The following FOXN3 variants were observed in gnomAD, a reference collection of about 807,000 sequenced individuals.
The protein encoded by FOXN3 is forkhead box N3.
A neutral mutation model predicts 38.4 loss-of-function variants in FOXN3; 7 were observed. The observed-to-expected ratio is 0.18, with a 90% CI of 0.10 to 0.34. The LOEUF is 0.34. Ranked by LOEUF, FOXN3 falls within the 10% of genes least tolerant of loss-of-function variation. The pLI is 1.00. For synonymous variants in FOXN3, 230 were observed against 242.2 expected, an observed-to-expected ratio of 0.95 and a Z score of 0.47; for missense variants, 456 against 613.4, an observed-to-expected ratio of 0.74 and a Z score of 2.71.
chr14:89,291,169 G>A (rs1042912438), intron 3 of FOXN3: 10 of 479,048 alleles, frequency 2.1e-5, no homozygotes, highest in Non-Finnish European at 4.2e-6. Flanking sequence ...AAGTTGGGGG[G>A]CACAGTTATG....
At chr14:89,480,440 C>T (rs1403975428) in intron 1 of FOXN3, among the ~76,000 whole-genome samples, 1 of 151,902 alleles carries the variant, frequency 6.6e-6, no homozygotes. Flanking sequence ...TCACAGGAAA[C>T]CATGCTGAAC....
intron 3 of FOXN3, among the ~76,000 whole-genome samples, chr14:89,317,397 G>A (rs1307911857): frequency 6.6e-6 from 1 of 152,208 alleles, no homozygotes; most frequent in Non-Finnish European, 1.5e-5. Flanking sequence ...AATGTCCTCT[G>A]AGAGTTCCTT....
intron 3 of FOXN3, chr14:89,290,597 C>T (rs1180372995): frequency 3.6e-6 from 2 of 550,198 alleles, no homozygotes; most frequent in African/African-American, 3.9e-5. Context: ...CAAGGTCATT[C>T]CTGTCTTCTT....
At chr14:89,459,814 G>A (rs996630950) in intron 1 of FOXN3, among the ~76,000 whole-genome samples, 1 of 152,120 alleles carries the variant, frequency 6.6e-6, no homozygotes, top group Non-Finnish European at 1.5e-5. Context: ...GGATAGTACA[G>A]AATCCCCCCA....
Position 89,299,890 on chromosome 14 carries a change from C to T in FOXN3, c.681-18876G>A, listed in dbSNP as rs117655817. 8.4e-3 allele frequency among the ~76,000 whole-genome samples: 1,273 copies of T among 152,284 alleles called. 12 individuals carry two copies. Among genetic ancestry groups the T allele is most frequent in the Non-Finnish European group, 0.015 (1,007 of 68,026 alleles). On this transcript the variant is annotated intron_variant, in intron 3 of 5. Coordinates refer to ENST00000557258, the MANE Select transcript of FOXN3 (RefSeq NM_005197.4). ...CAGTGGCAAAAGCTTATCTAAAATC[C>T]CCTCCATCAAGAGCAAACACATGGT...
intron 1 of FOXN3, among the ~76,000 whole-genome samples, chr14:89,615,116 ATTTT>A (rs374606775): frequency 3.7e-5 from 4 of 106,780 alleles, no homozygotes; most frequent in Admixed American, 1.1e-4. Flanking sequence ...CCCAATTTCG[ATTTT>A]TTTTTTTTTT....
rs1036236034 is a variant in FOXN3 at position 89,548,666 on chromosome 14, T to C, written c.-15+70362A>G. Among the ~76,000 whole-genome samples, 39 of 152,194 alleles carry C rather than the reference T, an allele frequency of 2.6e-4. No homozygotes were observed. The highest frequency in any genetic ancestry group is 9.4e-4 in the African/African-American group (39 of 41,446). ...GTTATTACCATAATAATGATGACTT[T>C]TCTTTTCAATTTATATATATGTATG... On this transcript the variant is annotated intron_variant, in intron 1 of 6. Transcript: ENST00000345097. The surrounding 1 kb of genome is among the most constrained non-coding windows in gnomAD (Gnocchi z 4.8).
chr14:89,239,239 G>T (rs1885071987), intron 4 of FOXN3, among the ~76,000 whole-genome samples: 1 of 152,142 alleles, frequency 6.6e-6, no homozygotes, highest in African/African-American at 2.4e-5. Flanking sequence ...GCAGTTTTGT[G>T]GGAATCAATT....
At chr14:89,431,663 A>C (rs1294965309) in intron 1 of FOXN3, among the ~76,000 whole-genome samples, 1 of 152,120 alleles carries the variant, frequency 6.6e-6, no homozygotes, top group African/African-American at 2.4e-5. Context: ...AGCAAACTTG[A>C]GTGGGAGGTA....
intron 3 of FOXN3, among the ~76,000 whole-genome samples, chr14:89,313,778 C>T (rs1253198691): frequency 6.6e-6 from 1 of 152,160 alleles, no homozygotes; most frequent in Non-Finnish European, 1.5e-5. Context: ...ATTATACATA[C>T]ATACAAGAGA....
chr14:89,354,154 T>G (rs1023415465), intron 2 of FOXN3, among the ~76,000 whole-genome samples: 7 of 152,038 alleles, frequency 4.6e-5, no homozygotes, highest in Non-Finnish European at 8.8e-5. Flanking sequence ...AGTTTGAGAG[T>G]TGGAGCTTTC....
intron 1 of FOXN3, among the ~76,000 whole-genome samples, chr14:89,604,434 A>T (rs1457894005): frequency 1.3e-5 from 2 of 152,264 alleles, no homozygotes; most frequent in African/African-American, 4.8e-5. Flanking sequence ...GAATCGAGCT[A>T]GATCAGATAG....
chr14:89,597,798 G>T (rs1416798962), intron 1 of FOXN3, among the ~76,000 whole-genome samples: 1 of 151,748 alleles, frequency 6.6e-6, no homozygotes, highest in Non-Finnish European at 1.5e-5. Context: ...CTTTTGTATC[G>T]GGCCCTTCTG....
chr14:89,450,836 C>A (rs1268920025), intron 1 of FOXN3, among the ~76,000 whole-genome samples: 1 of 152,142 alleles, frequency 6.6e-6, no homozygotes, highest in African/African-American at 2.4e-5. Context: ...CCGCCCACCT[C>A]GGCCTCCCTT....
intron 1 of FOXN3, among the ~76,000 whole-genome samples, chr14:89,575,863 C>T (rs1895601418): frequency 6.6e-6 from 1 of 152,248 alleles, no homozygotes; most frequent in African/African-American, 2.4e-5. Flanking sequence ...CAACCGCCCT[C>T]CGGCCTCCAC....
intron 4 of FOXN3, among the ~76,000 whole-genome samples, chr14:89,191,424 G>GCT (rs1196434284): frequency 6.6e-6 from 1 of 152,174 alleles, no homozygotes; most frequent in African/African-American, 2.4e-5. Context: ...AATGAAGTGT[G>GCT]CAATTGAAGT....
At chr14:89,476,941 A>G (rs1378672395) in intron 1 of FOXN3, among the ~76,000 whole-genome samples, 1 of 152,192 alleles carries the variant, frequency 6.6e-6, no homozygotes, top group Non-Finnish European at 1.5e-5. Flanking sequence ...AATGACACCC[A>G]GGAGAAGGGG....
chr14:89,232,294 C>T (rs1306540948), intron 4 of FOXN3, among the ~76,000 whole-genome samples: 1 of 152,196 alleles, frequency 6.6e-6, no homozygotes. Context: ...ATTCTACAAA[C>T]ACAAACCGTT....
chr14:89,427,208 G>A (rs1255982955), intron 1 of FOXN3, among the ~76,000 whole-genome samples: 6 of 137,298 alleles, frequency 4.4e-5, no homozygotes, highest in Admixed American at 1.5e-4. Flanking sequence ...CAGCCTGGTC[G>A]ACAGAGTGAG....
Sources: gnomAD v4.1 joint callset for allele counts (sites outside exome capture counted in the v4.1 genomes callset) on GRCh38, gnomAD v4.1.1 for gene constraint, Gnocchi (gnomAD v3.1) non-coding constraint, MANE v1.5 for transcripts, NCBI Gene and HGNC (gene_info 2026-07-23, HGNC 2026-07-21) for gene names.